GUCY1A2: variants seen among roughly 807,000 people sequenced by gnomAD.
GUCY1A2 encodes guanylate cyclase 1 soluble subunit alpha 2.
A neutral mutation model predicts 63.5 loss-of-function variants in GUCY1A2; 27 were observed. The ratio of observed to expected loss-of-function variants is 0.43; its 90% confidence interval spans 0.31 to 0.59. GUCY1A2 has a LOEUF of 0.59. Among genes scored for constraint, GUCY1A2 ranks in the 20% least tolerant of loss-of-function variants. GUCY1A2 has a pLI of 0.11. For missense variants in GUCY1A2, 768 were observed against 913.3 expected (o/e 0.84, Z 2.05); for synonymous variants, 364 against 343.5 (o/e 1.06, Z -0.66).
At chr11:106,944,286 A>C (rs1591337385) in intron 3 of GUCY1A2, among the ~76,000 whole-genome samples, 1 of 107,226 alleles carries the variant, frequency 9.3e-6, no homozygotes, top group African/African-American at 3.2e-5. Context: ...CTTTACTAAA[A>C]ATACAAAAAA....
chr11:106,740,648 CTGTATGTATGTATGTA>C (rs6144494), intron 6 of GUCY1A2, among the ~76,000 whole-genome samples: 7 of 148,748 alleles, frequency 4.7e-5, no homozygotes, highest in African/African-American at 1.0e-4. Flanking sequence ...GACCATATCA[CTGTATGTATGTATGTA>C]TGTATGTATG....
chr11:106,836,113 T>C (rs921598215), intron 4 of GUCY1A2, among the ~76,000 whole-genome samples: 5 of 151,842 alleles, frequency 3.3e-5, no homozygotes, highest in Non-Finnish European at 5.9e-5. Flanking sequence ...GAGTAAATTA[T>C]TAAGAATGAA....
At chr11:106,709,578 AAT>A (rs1378982398) in intron 6 of GUCY1A2, among the ~76,000 whole-genome samples, 3 of 109,048 alleles carry the variant, frequency 2.8e-5, no homozygotes, top group Non-Finnish European at 5.1e-5. Context: ...ACGTGTATAT[AAT>A]ATATAGTTAT....
At chr11:106,964,034 TAC>T (rs370384592) in intron 3 of GUCY1A2, among the ~76,000 whole-genome samples, 1 of 151,716 alleles carries the variant, frequency 6.6e-6, no homozygotes. Context: ...TCTCTTTTGC[TAC>T]ACACACACAT....
chr11:106,712,517 C>CCTTTCA (rs1591243078), intron 6 of GUCY1A2, among the ~76,000 whole-genome samples: 1 of 144,534 alleles, frequency 6.9e-6, no homozygotes, highest in East Asian at 2.5e-4. Flanking sequence ...TCCCATGTCT[C>CCTTTCA]AGATTTTCTT....
chr11:106,835,442 T>A (rs1410335240), intron 4 of GUCY1A2, among the ~76,000 whole-genome samples: 2 of 150,096 alleles, frequency 1.3e-5, no homozygotes, highest in Non-Finnish European at 3.0e-5. Flanking sequence ...AATGTGAAAA[T>A]CTAAATTAAT....
chr11:106,734,218 G>A (rs1440494713), intron 6 of GUCY1A2, among the ~76,000 whole-genome samples: 3 of 152,068 alleles, frequency 2.0e-5, no homozygotes, highest in Non-Finnish European at 4.4e-5. Context: ...ACTGGAGCAA[G>A]AACTAAACTG....
At chr11:106,939,414 T>C (rs1860721130) in intron 4 of GUCY1A2, 46 bp downstream of exon 4, 1 of 912,058 alleles carries the variant, frequency 1.1e-6, no homozygotes, top group South Asian at 1.6e-5. Context: ...GAAATAATTA[T>C]CCACTCTTCT....
rs1862546166 is a variant in GUCY1A2 at position 106,687,455 on chromosome 11, G to A, written c.*94C>T. On this transcript the variant is annotated 3_prime_UTR_variant, in exon 8 of 8. Coordinates refer to ENST00000526355, the MANE Select transcript of GUCY1A2 (RefSeq NM_000855.3). ...AATTTTGCTGCTTGTTCTCAACAAA[G>A]CAATGAAAGAGACACAATCTCTTTC... The A allele has an allele frequency of 3.3e-6, 3 of 914,224 alleles. No individual in the cohort carries two copies. In the African/African-American group the frequency reaches 5.0e-5, roughly 15 times the overall value. 56.6% of individuals were successfully genotyped at this position (914,224 alleles called of 1,614,324 possible).
intron 4 of GUCY1A2, among the ~76,000 whole-genome samples, chr11:106,867,486 A>G (rs1329092508): frequency 3.3e-5 from 5 of 152,094 alleles, no homozygotes; most frequent in Admixed American, 3.3e-4. Context: ...TTAAGTTTTC[A>G]GTCTGTAGAG....
chr11:106,979,398 TGAGCC>T (rs1861305355), intron 2 of GUCY1A2, among the ~76,000 whole-genome samples: 1 of 139,364 alleles, frequency 7.2e-6, no homozygotes, highest in Non-Finnish European at 1.5e-5. Context: ...GAGCTTGCAG[TGAGCC>T]GAGACTGCGC....
At chr11:106,892,447 T>G (rs935748201) in intron 4 of GUCY1A2, among the ~76,000 whole-genome samples, 21 of 152,158 alleles carry the variant, frequency 1.4e-4, no homozygotes, top group African/African-American at 4.3e-4. Flanking sequence ...CCAGAAATTA[T>G]AGCAGAACTG....
intron 3 of GUCY1A2, among the ~76,000 whole-genome samples, chr11:106,957,251 C>T (rs117603308): frequency 0.02 from 3,077 of 152,078 alleles, 54 homozygotes; most frequent in South Asian, 0.044. Flanking sequence ...TGCCCCTCCC[C>T]CCAGGAGCTC....
chr11:106,996,799 G>C (rs1861545396), intron 1 of GUCY1A2, among the ~76,000 whole-genome samples: 1 of 152,142 alleles, frequency 6.6e-6, no homozygotes, highest in Non-Finnish European at 1.5e-5. Flanking sequence ...GTCCTGCCTA[G>C]CTCCATTGCT....
chr11:106,839,487 G>A (rs1209559567), intron 4 of GUCY1A2, among the ~76,000 whole-genome samples: 1 of 151,982 alleles, frequency 6.6e-6, no homozygotes, highest in African/African-American at 2.4e-5. Context: ...AATACCATTT[G>A]ACCCAGCCAT....
intron 4 of GUCY1A2, among the ~76,000 whole-genome samples, chr11:106,903,533 C>G (rs1267393113): frequency 6.6e-6 from 1 of 152,148 alleles, no homozygotes; most frequent in Non-Finnish European, 1.5e-5. Flanking sequence ...TCCTCAGGCC[C>G]TGGTTGAATC....
chr11:107,014,836 C>T (rs138141412), intron 1 of GUCY1A2, among the ~76,000 whole-genome samples: 3 of 152,206 alleles, frequency 2.0e-5, no homozygotes, highest in African/African-American at 7.2e-5. Context: ...CAAGAAAGCT[C>T]ACAACATTCA....
At chr11:106,848,294 ACAAT>A (rs760458299) in intron 4 of GUCY1A2, among the ~76,000 whole-genome samples, 7 of 151,740 alleles carry the variant, frequency 4.6e-5, no homozygotes, top group East Asian at 1.9e-4. Context: ...GCATAAGCAC[ACAAT>A]CAGTGAATAT....
At chr11:106,779,811 AAATG>A (rs1441346361) in intron 5 of GUCY1A2, among the ~76,000 whole-genome samples, 2 of 152,228 alleles carry the variant, frequency 1.3e-5, no homozygotes, top group Non-Finnish European at 2.9e-5. Context: ...ACTGATACAT[AAATG>A]AATGAAGTAG....
Sources: gnomAD v4.1 joint callset for allele counts (sites outside exome capture counted in the v4.1 genomes callset) on GRCh38, gnomAD v4.1.1 for gene constraint, MANE v1.5 for transcripts, NCBI Gene and HGNC (gene_info 2026-07-23, HGNC 2026-07-21) for gene names.